VPS13B: variants seen among roughly 807,000 people sequenced by gnomAD.
VPS13B encodes intermembrane lipid transfer protein VPS13B.
VPS13B carries 285 observed loss-of-function variants against 426.4 expected under a neutral mutation model. The ratio of observed to expected loss-of-function variants is 0.67; its 90% CI spans 0.61 to 0.74. The LOEUF is 0.74. VPS13B is among the 30% of genes least tolerant of loss of function. The pLI is 0.00. For synonymous variants in VPS13B, 1,676 were observed against 1,676.4 expected, an observed-to-expected ratio of 1.00 and a Z score of 0.01; for missense variants, 4,537 against 4,782.6, an observed-to-expected ratio of 0.95 and a Z score of 1.51.
chr8:99,316,592 C>G (rs1166738364), intron 19 of VPS13B, among the ~76,000 whole-genome samples: 3 of 152,178 alleles, frequency 2.0e-5, no homozygotes, highest in East Asian at 1.9e-4. Flanking sequence ...CTGGAAGTTT[C>G]TCACTGACCC....
At chr8:99,218,459 G>C (rs1052970682) in intron 17 of VPS13B, among the ~76,000 whole-genome samples, 1 of 152,164 alleles carries the variant, frequency 6.6e-6, no homozygotes, top group Non-Finnish European at 1.5e-5. Flanking sequence ...GACTAAGAGA[G>C]GGTAAGGGAG....
intron 2 of VPS13B, among the ~76,000 whole-genome samples, chr8:99,029,446 G>C (rs995436116): frequency 6.6e-6 from 1 of 151,944 alleles, no homozygotes; most frequent in Non-Finnish European, 1.5e-5. Flanking sequence ...TGGTTGTAGC[G>C]AGCCGAGATC....
At chr8:99,106,792 A>C (rs761437022) in intron 5 of VPS13B, among the ~76,000 whole-genome samples, 17 of 152,316 alleles carry the variant, frequency 1.1e-4, no homozygotes, top group Admixed American at 4.6e-4. Context: ...GTATATATCT[A>C]TTCCCTCTCC....
At chr8:99,790,011 A>G (rs964558150) in intron 43 of VPS13B, among the ~76,000 whole-genome samples, 4 of 152,148 alleles carry the variant, frequency 2.6e-5, no homozygotes, top group Non-Finnish European at 5.9e-5. Context: ...CCCCACACAC[A>G]CACCCAAAAC....
At chr8:99,416,672 G>A (rs907951425) in intron 21 of VPS13B, among the ~76,000 whole-genome samples, 2 of 152,112 alleles carry the variant, frequency 1.3e-5, no homozygotes, top group Admixed American at 6.5e-5. Flanking sequence ...TTAGGGGAGG[G>A]CATTCCCTGA....
intron 28 of VPS13B, among the ~76,000 whole-genome samples, chr8:99,507,488 T>C (rs1821562905): frequency 6.6e-6 from 1 of 152,226 alleles, no homozygotes; most frequent in Non-Finnish European, 1.5e-5. Flanking sequence ...TTGTGTTGAC[T>C]TTTTGGAATT....
intron 24 of VPS13B, among the ~76,000 whole-genome samples, chr8:99,479,923 G>C (rs1229944380): frequency 6.6e-6 from 1 of 152,136 alleles, no homozygotes; most frequent in Non-Finnish European, 1.5e-5. Context: ...CTTAGGAGTG[G>C]AATAGCTGGA....
intron 31 of VPS13B, 124 bp from the exon 32 acceptor site, chr8:99,575,534 G>A: frequency 8.9e-7 from 1 of 1,124,108 alleles, no homozygotes; most frequent in South Asian, 1.4e-5. Context: ...ATGCAAATAG[G>A]CACTCTCAAA....
intron 35 of VPS13B, chr8:99,696,781 C>G: frequency 7.1e-7 from 1 of 1,409,176 alleles, no homozygotes; most frequent in Non-Finnish European, 1.0e-6. Context: ...TGCGTTTTTC[C>G]AAATTATTTG....
intron 39 of VPS13B, among the ~76,000 whole-genome samples, chr8:99,761,622 G>A (rs747168396): frequency 5.9e-5 from 9 of 152,276 alleles, no homozygotes; most frequent in Middle Eastern, 6.8e-3. Flanking sequence ...AGGAGATGAT[G>A]CTGGAAACAA....
At chr8:99,819,894 G>C in intron 48 of VPS13B, 27 bp from the exon 49 acceptor site, 1 of 1,611,808 alleles carries the variant, frequency 6.2e-7, no homozygotes, top group Non-Finnish European at 8.5e-7. Flanking sequence ...ATTTCATTGA[G>C]TCTCTTGGAT....
chr8:99,392,357 T>TA (rs533400842), intron 21 of VPS13B, among the ~76,000 whole-genome samples: 2 of 151,996 alleles, frequency 1.3e-5, no homozygotes, highest in Non-Finnish European at 2.9e-5. Flanking sequence ...AATATATAAT[T>TA]AAAAAAATAA....
chr8:99,576,321 A>T (rs924895907), intron 32 of VPS13B, among the ~76,000 whole-genome samples: 6 of 152,148 alleles, frequency 3.9e-5, no homozygotes, highest in Non-Finnish European at 7.4e-5. Flanking sequence ...GCCACCAATA[A>T]AGCCAAGTTA....
intron 43 of VPS13B, among the ~76,000 whole-genome samples, chr8:99,786,021 T>G (rs539601471): frequency 6.6e-6 from 1 of 152,180 alleles, no homozygotes; most frequent in Non-Finnish European, 1.5e-5. Context: ...CATTTGAAGA[T>G]GCATAGCTTG....
rs753268999 is a variant in VPS13B at position 99,274,349 on chromosome 8, C to A, written c.2650+17C>A. On this transcript the variant is annotated intron_variant, in intron 18 of 61. Coordinates refer to ENST00000357162, the MANE Select transcript of VPS13B (RefSeq NM_152564.5). ...AAGCCCCAGGTATGTGCAGCTGGAC[C>A]GTGTAAAACTTTATTGCCTGTATAG... 2.5e-6 allele frequency: 4 copies of A among 1,613,920 alleles called. No individual in the cohort carries two copies. The highest frequency in any genetic ancestry group is 4.5e-5 in the East Asian group (2 of 44,860).
At chr8:99,057,160 T>G (rs1385606251) in intron 3 of VPS13B, among the ~76,000 whole-genome samples, 1 of 152,062 alleles carries the variant, frequency 6.6e-6, no homozygotes, top group East Asian at 1.9e-4. Context: ...ACCACCTACA[T>G]AGACAATAAT....
intron 21 of VPS13B, among the ~76,000 whole-genome samples, chr8:99,409,559 A>G (rs943388465): frequency 6.6e-6 from 1 of 152,142 alleles, no homozygotes; most frequent in Non-Finnish European, 1.5e-5. Flanking sequence ...GCAATTAGAT[A>G]TGTCAAATTA....
intron 39 of VPS13B, among the ~76,000 whole-genome samples, chr8:99,735,538 A>G (rs1229335444): frequency 1.3e-5 from 2 of 152,192 alleles, no homozygotes; most frequent in African/African-American, 4.8e-5. Flanking sequence ...ACCAGAAACT[A>G]GGAAGAGACA....
At chr8:99,233,398 G>A in intron 17 of VPS13B, 1 of 1,106,054 alleles carries the variant, frequency 9.0e-7, no homozygotes, top group Non-Finnish European at 1.4e-6. Flanking sequence ...CTTGATGGAG[G>A]CTCTGGCGAG....
Sources: gnomAD v4.1 joint callset for allele counts (sites outside exome capture counted in the v4.1 genomes callset) on GRCh38, gnomAD v4.1.1 for gene constraint, MANE v1.5 for transcripts, NCBI Gene and HGNC (gene_info 2026-07-23, HGNC 2026-07-21) for gene names.